Variants in TEX101 observed in about 807,000 individuals in gnomAD.
TEX101 encodes testis-expressed protein 101.
In TEX101, 10 loss-of-function variants were observed where a neutral mutation model predicts 18.1. The observed-to-expected ratio is 0.55, with a 90% CI of 0.34 to 0.94. The LOEUF (loss-of-function observed/expected upper bound fraction) is 0.94. Ranked by LOEUF, TEX101 falls within the 40% of genes least tolerant of loss-of-function variation. The probability of loss-of-function intolerance (pLI) is 0.02; values close to 1 mark genes in which losing one functional copy is unlikely to be tolerated. For missense variants in TEX101, 259 were observed against 298.9 expected (o/e 0.87, Z 0.98); for synonymous variants, 94 against 114.8 (o/e 0.82, Z 1.16).
intron 3 of TEX101, among the ~76,000 whole-genome samples, chr19:43,408,852 T>C (rs1401945974): frequency 6.6e-6 from 1 of 152,128 alleles, no homozygotes; most frequent in Non-Finnish European, 1.5e-5. Flanking sequence ...ATGGGAAACT[T>C]CTCAAGCACC....
At chr19:43,389,002 C>A in the TEX101 span, among the ~76,000 whole-genome samples, 1 of 152,094 alleles carries the variant, frequency 6.6e-6, no homozygotes, top group Non-Finnish European at 1.5e-5. Context: ...TGATCTCCCA[C>A]CCTCGAGGCA....
upstream of TEX101, among the ~76,000 whole-genome samples, chr19:43,398,254 A>G (rs573912642): frequency 5.5e-3 from 659 of 120,292 alleles, 10 homozygotes; most frequent in African/African-American, 0.019. Flanking sequence ...TATAATATAT[A>G]TAATATATAT....
At chr19:43,389,573 A>C in the TEX101 span, among the ~76,000 whole-genome samples, 1 of 151,838 alleles carries the variant, frequency 6.6e-6, no homozygotes, top group South Asian at 2.1e-4. Flanking sequence ...AGCTGGCTTC[A>C]TGAGGGCCCT....
rs1172428997 is a variant in TEX101, at chr19:43,418,309, A to C, written c.662A>C (p.Glu221Ala). 1 of 1,614,196 alleles carries C rather than the reference A, an allele frequency of 6.2e-7. No individual in the cohort carries two copies. Among genetic ancestry groups the C allele is most frequent in the East Asian group, 2.2e-5 (1 of 44,884 alleles). ...HQLLTQPRKT[E>A]NGATCLPIPV... ...CTGCTCACTCAACCTCGAAAGACTG[A>C]AAATGGGGCCACCTGTCTTCCCATT... is the stretch of plus-strand genomic sequence containing the variant. The change falls in exon 6 of 6, where the codon GAA (glutamate) becomes GCA (alanine). Residue 221 changes from glutamate (E) to alanine (A), a missense_variant. Glu to Ala is a moderately radical substitution (Grantham distance 107). Coordinates refer to ENST00000598265, the MANE Select transcript of TEX101 (RefSeq NM_001130011.3).
chr19:43,409,538 A>C (rs1461407317), intron 3 of TEX101, among the ~76,000 whole-genome samples: 1 of 152,178 alleles, frequency 6.6e-6, no homozygotes, highest in African/African-American at 2.4e-5. Flanking sequence ...ATATAGGGAA[A>C]AGCATTATTG....
upstream of TEX101, among the ~76,000 whole-genome samples, chr19:43,411,906 C>T (rs1970422765): frequency 6.6e-6 from 1 of 152,198 alleles, no homozygotes; most frequent in African/African-American, 2.4e-5. Context: ...AACCACCCAC[C>T]TTGGCCTCCC....
chr19:43,388,836 G>C, the TEX101 span, among the ~76,000 whole-genome samples: 1 of 152,234 alleles, frequency 6.6e-6, no homozygotes, highest in Admixed American at 6.5e-5. Context: ...TGGATGTGAG[G>C]GGGGTTTCTG....
At position 43,416,439 on chromosome 19, in the gene TEX101, T is replaced by C; in HGVS notation, c.275T>C (p.Val92Ala). 1 of 1,614,146 alleles carries C rather than the reference T, an allele frequency of 6.2e-7. No individual in the cohort carries two copies. Among genetic ancestry groups the C allele is most frequent in the Non-Finnish European group, 8.5e-7 (1 of 1,180,020 alleles). Reference protein sequence around the residue: ...IPEGEEAITIVQHSSPPGLIV... With the variant: ...IPEGEEAITIAQHSSPPGLIV... ...GAAGGGGAGGAGGCCATAACAATTG[T>C]CCAGCACTCTTCACCTCCCGGCCTG... is the stretch of plus-strand genomic sequence containing the variant. The change falls in exon 4 of 6, where the codon GTC (valine) becomes GCC (alanine). Residue 92 changes from valine to alanine, a missense_variant. Val to Ala is a moderately conservative substitution (Grantham distance 64, BLOSUM62 0). Transcript: ENST00000598265.
At chr19:43,408,492 T>G (rs1439285711) in intron 3 of TEX101, among the ~76,000 whole-genome samples, 2 of 151,658 alleles carry the variant, frequency 1.3e-5, no homozygotes, top group Non-Finnish European at 2.9e-5. Context: ...CGCCTCCTCC[T>G]CTTAAAAATA....
the TEX101 span, among the ~76,000 whole-genome samples, chr19:43,395,894 G>C: frequency 1.1e-4 from 16 of 152,176 alleles, no homozygotes; most frequent in South Asian, 2.1e-4. Flanking sequence ...CCACCTTTAC[G>C]CCAATCCTCC....
At chr19:43,400,966 A>G (rs903155040), upstream of TEX101, among the ~76,000 whole-genome samples, 1 of 152,164 alleles carries the variant, frequency 6.6e-6, no homozygotes, top group Non-Finnish European at 1.5e-5. Flanking sequence ...TAACTAGCCC[A>G]CAGACCCAAT....
At chr19:43,408,087 C>A (rs951737417) in intron 3 of TEX101, among the ~76,000 whole-genome samples, 1 of 152,220 alleles carries the variant, frequency 6.6e-6, no homozygotes, top group African/African-American at 2.4e-5. Flanking sequence ...CGTCCCCATA[C>A]CCCCACCCCG....
At chr19:43,402,159 T>A (rs1970323634) in intron 1 of TEX101, among the ~76,000 whole-genome samples, 1 of 152,382 alleles carries the variant, frequency 6.6e-6, no homozygotes, top group East Asian at 1.9e-4. Flanking sequence ...ATATGAATAA[T>A]AATTTACAAC....
At chr19:43,392,615 G>T in the TEX101 span, among the ~76,000 whole-genome samples, 2 of 151,956 alleles carry the variant, frequency 1.3e-5, no homozygotes, top group African/African-American at 4.8e-5. Flanking sequence ...AAGCTGATGG[G>T]GCCACACAAA....
At chr19:43,408,367 G>A (rs1354485406) in intron 3 of TEX101, among the ~76,000 whole-genome samples, 1 of 152,222 alleles carries the variant, frequency 6.6e-6, no homozygotes, top group Non-Finnish European at 1.5e-5. Flanking sequence ...GCCCCTATTC[G>A]AGGGGTGGCT....
intron 5 of TEX101, 59 bp from the exon 6 acceptor site, chr19:43,418,109 G>A: frequency 3.1e-6 from 5 of 1,611,422 alleles, no homozygotes; most frequent in Non-Finnish European, 3.4e-6. Flanking sequence ...GGGGGGACTG[G>A]ATTCTCCTCT....
rs201937290 is a variant in TEX101 at position 43,416,487 on chromosome 19, A to G, written c.323A>G (p.Tyr108Cys). 3.2e-4 allele frequency: 510 copies of G among 1,614,026 alleles called. 1 individual carries two copies. Among genetic ancestry groups the G allele is most frequent in the Non-Finnish European group, 4.0e-4 (473 of 1,180,016 alleles). The change falls in exon 4 of 6, where the codon TAC becomes TGC. Residue 108 changes from tyrosine (Y) to cysteine (C), a missense_variant. Tyr to Cys is a radical substitution (Grantham distance 194). Coordinates refer to ENST00000598265, the MANE Select transcript of TEX101 (RefSeq NM_001130011.3). ...PGLIVTSYSN[Y>C]CEDSFCNDKD... ...CTGATCGTGACCTCCTACAGTAACT[A>G]CTGTGAGGATTCCTTCTGTAATGAC...
upstream of TEX101, among the ~76,000 whole-genome samples, chr19:43,411,111 C>T (rs1970415582): frequency 2.0e-5 from 3 of 152,164 alleles, no homozygotes; most frequent in Admixed American, 2.0e-4. Flanking sequence ...GAGTCTTGCT[C>T]TGTCACCCAG....
chr19:43,400,052 T>C (rs1327444864), upstream of TEX101, among the ~76,000 whole-genome samples: 1 of 152,088 alleles, frequency 6.6e-6, no homozygotes, highest in Non-Finnish European at 1.5e-5. Flanking sequence ...TGACCTCAGG[T>C]GATCTACCCG....
Sources: allele counts gnomAD v4.1 joint callset (sites outside exome capture counted in the v4.1 genomes callset), GRCh38; gene constraint gnomAD v4.1.1; transcripts MANE v1.5; gene names NCBI Gene and HGNC (gene_info 2026-07-23, HGNC 2026-07-21).